TMEM63C: variants seen among roughly 807,000 people sequenced by gnomAD.
TMEM63C encodes the protein osmosensitive cation channel TMEM63C.
A neutral mutation model predicts 99.2 loss-of-function variants in TMEM63C; 32 were observed. That is an observed-to-expected ratio of 0.32 (90% CI 0.24 to 0.43). The LOEUF (loss-of-function observed/expected upper bound fraction) is 0.43, where lower values mean the gene tolerates loss of function less well. Among genes scored for constraint, TMEM63C ranks in the 20% least tolerant of loss-of-function variants. TMEM63C has a pLI of 1.00. For missense variants in TMEM63C, 826 were observed against 1,053.0 expected, an observed-to-expected ratio of 0.78 and a Z score of 2.98; for synonymous variants, 376 against 397.9, an observed-to-expected ratio of 0.94 and a Z score of 0.66.
intron 9 of TMEM63C, among the ~76,000 whole-genome samples, chr14:77,238,478 C>T (rs922137306): frequency 1.3e-5 from 2 of 152,330 alleles, no homozygotes; most frequent in Non-Finnish European, 2.9e-5. Context: ...AGCTGCCTGG[C>T]TCAGCTGGGA....
chr14:77,247,274 C>T (rs1055916344), intron 18 of TMEM63C, among the ~76,000 whole-genome samples: 1 of 152,076 alleles, frequency 6.6e-6, no homozygotes, highest in Non-Finnish European at 1.5e-5. Flanking sequence ...AATCTCGGCT[C>T]ACTACAACCT....
chr14:77,197,399 C>G (rs1043131992), intron 1 of TMEM63C, among the ~76,000 whole-genome samples: 5 of 152,248 alleles, frequency 3.3e-5, no homozygotes, highest in African/African-American at 1.2e-4. Flanking sequence ...CTACGCCAGA[C>G]TCTTGTTCAA....
chr14:77,190,117 G>T (rs985906), intron 1 of TMEM63C, among the ~76,000 whole-genome samples: 1,567 of 56,352 alleles, frequency 0.028, 31 homozygotes, highest in East Asian at 0.088. Context: ...ATAGAATTAT[G>T]ATTATTATTA....
At chr14:77,236,759 A>G (rs754511560) in intron 9 of TMEM63C, 27 bp downstream of exon 9, 2 of 1,535,788 alleles carry the variant, frequency 1.3e-6, no homozygotes, top group East Asian at 2.3e-5. Flanking sequence ...GCTGCTTCCC[A>G]CTGTGGGAAG....
intron 5 of TMEM63C, among the ~76,000 whole-genome samples, chr14:77,224,860 G>T (rs910448090): frequency 6.6e-6 from 1 of 152,012 alleles, no homozygotes; most frequent in Non-Finnish European, 1.5e-5. Context: ...AATAAGTGGG[G>T]TCTTGCTGTG....
rs1473835623 is a variant in TMEM63C at position 77,220,079 on chromosome 14, A to G, written c.304A>G (p.Arg102Gly). Residue 102 changes from arginine to glycine, a missense_variant, in exon 5 of 24, where the codon AGA becomes GGA. Coordinates refer to ENST00000298351, the MANE Select transcript of TMEM63C (RefSeq NM_020431.4). ...GGAGACTTCCTTGGAGATGGAACGCAGAGACAAGGTGAGTGCTGGGAGCGG... is the reference window on the plus strand; with the variant it reads ...GGAGACTTCCTTGGAGATGGAACGCGGAGACAAGGTGAGTGCTGGGAGCGG... Reference protein sequence around the residue: ...PSETSLEMERRDKGFCSWFFN... With the variant: ...PSETSLEMERGDKGFCSWFFN... 13 of 1,557,828 alleles carry G rather than the reference A, an allele frequency of 8.3e-6. No homozygotes were observed.
At chr14:77,250,789 G>A (rs1010465803) in intron 21 of TMEM63C, among the ~76,000 whole-genome samples, 45 of 151,938 alleles carry the variant, frequency 3.0e-4, no homozygotes, top group African/African-American at 1.0e-3. Context: ...TGCTTATCCC[G>A]CTAGCCTTTC....
At chr14:77,199,741 G>A (rs1050211471) in intron 1 of TMEM63C, among the ~76,000 whole-genome samples, 2 of 152,180 alleles carry the variant, frequency 1.3e-5, no homozygotes, top group African/African-American at 4.8e-5. Flanking sequence ...GGCTGGAAGT[G>A]CTCCGGGCAG....
chr14:77,193,998 T>C (rs1387748863), intron 1 of TMEM63C, among the ~76,000 whole-genome samples: 1 of 152,110 alleles, frequency 6.6e-6, no homozygotes, highest in African/African-American at 2.4e-5. Flanking sequence ...TGACGCTGTC[T>C]CAAAACAAAT....
At chr14:77,213,631 G>A (rs1473056213) in intron 2 of TMEM63C, 123 bp downstream of exon 2, 2 of 152,282 alleles carry the variant, frequency 1.3e-5, no homozygotes, top group Non-Finnish European at 2.9e-5. Flanking sequence ...TCCTGCCTTA[G>A]CTGACCTGGA....
chr14:77,195,001 C>T (rs571030397), intron 1 of TMEM63C, among the ~76,000 whole-genome samples: 1 of 152,116 alleles, frequency 6.6e-6, no homozygotes, highest in South Asian at 2.1e-4. Context: ...TGCCTGTAAT[C>T]TTAACTATCT....
At chr14:77,219,917 C>A in intron 4 of TMEM63C, 89 bp from the exon 5 acceptor site, 1 of 1,280,600 alleles carries the variant, frequency 7.8e-7, no homozygotes, top group Non-Finnish European at 1.1e-6. Flanking sequence ...AGAGGGCAGC[C>A]CTCAGCCAGG....
intron 6 of TMEM63C, among the ~76,000 whole-genome samples, chr14:77,230,809 G>T (rs1187094662): frequency 6.6e-6 from 1 of 152,118 alleles, no homozygotes; most frequent in African/African-American, 2.4e-5. Context: ...AGGGACCACT[G>T]CTGTCTAGTA....
intron 1 of TMEM63C, among the ~76,000 whole-genome samples, chr14:77,211,605 A>G (rs1888498747): frequency 1.3e-5 from 2 of 152,174 alleles, no homozygotes; most frequent in South Asian, 4.1e-4. Context: ...TGGCCTTGTT[A>G]GTTAGGGCAG....
intron 13 of TMEM63C, among the ~76,000 whole-genome samples, chr14:77,241,596 A>G (rs1222865588): frequency 1.3e-5 from 2 of 152,154 alleles, no homozygotes; most frequent in African/African-American, 4.8e-5. Context: ...AACTACCTAG[A>G]TTTTGCTCAC....
chr14:77,254,418 G>C (rs1273286468), intron 23 of TMEM63C, among the ~76,000 whole-genome samples: 2 of 152,200 alleles, frequency 1.3e-5, no homozygotes, highest in East Asian at 1.9e-4. Context: ...GATTATCTCT[G>C]AGAGGGGACA....
intron 1 of TMEM63C, among the ~76,000 whole-genome samples, chr14:77,191,795 C>T (rs1302442846): frequency 1.3e-5 from 2 of 152,138 alleles, no homozygotes; most frequent in African/African-American, 4.8e-5. Context: ...CCGCCTGCCT[C>T]GGCCTCCCAA....
chr14:77,231,596 A>T lies in TMEM63C; in HGVS notation c.359A>T (p.Asp120Val). The T allele has an allele frequency of 6.4e-7, 1 of 1,551,498 alleles. No individual in the cohort carries two copies. Among genetic ancestry groups the T allele is most frequent in the Non-Finnish European group, 8.7e-7 (1 of 1,146,974 alleles). Residue 120 changes from aspartate to valine, a missense_variant, in exon 7 of 24, where the codon GAT becomes GTT. Coordinates refer to ENST00000298351, the MANE Select transcript of TMEM63C (RefSeq NM_020431.4). Reference sequence around the variant, plus strand: ...CTGTGTGTCTCTTCCAGGGACGAGGATCTGATTAACAAGTGTGGGGACGAC... The same window carrying T: ...CTGTGTGTCTCTTCCAGGGACGAGGTTCTGATTAACAAGTGTGGGGACGAC... ...FFNSITMKDE[D>V]LINKCGDDAR...
At chr14:77,201,164 C>G (rs1594851443) in intron 1 of TMEM63C, 1 of 152,082 alleles carries the variant, frequency 6.6e-6, no homozygotes, top group South Asian at 2.1e-4. Flanking sequence ...CTCCAGGCAG[C>G]CTTTGTGGAT....
Sources: allele counts gnomAD v4.1 joint callset (sites outside exome capture counted in the v4.1 genomes callset), GRCh38; gene constraint gnomAD v4.1.1; transcripts MANE v1.5; gene names NCBI Gene and HGNC (gene_info 2026-07-23, HGNC 2026-07-21).